Variants in MALRD1 observed in about 807,000 individuals in gnomAD.
MALRD1 encodes the protein MAM and LDL receptor class A domain containing 1.
Under a neutral mutation model 242.1 loss-of-function variants are expected in MALRD1, and 247 were observed. That is an observed-to-expected ratio of 1.02 (90% confidence interval 0.92 to 1.13). MALRD1 has a LOEUF of 1.13. Among genes scored for constraint, MALRD1 ranks in the 50% most tolerant of loss-of-function variants. The pLI is 0.00. For missense variants in MALRD1, 2,989 were observed against 2,533.1 expected, an observed-to-expected ratio of 1.18 and a Z score of -3.86; for synonymous variants, 995 against 866.6, an observed-to-expected ratio of 1.15 and a Z score of -2.60.
intron 31 of MALRD1, among the ~76,000 whole-genome samples, chr10:19,519,183 T>C (rs1449721177): frequency 6.8e-6 from 1 of 146,622 alleles, no homozygotes; most frequent in Non-Finnish European, 1.5e-5. Flanking sequence ...TTTCTTTCAT[T>C]GTCAAAATTT....
At chr10:19,365,643 CAT>C (rs1845074481) in intron 26 of MALRD1, among the ~76,000 whole-genome samples, 1 of 129,496 alleles carries the variant, frequency 7.7e-6, no homozygotes, top group Admixed American at 9.1e-5. Flanking sequence ...TGATAATTGA[CAT>C]GTTTTATAAA....
chr10:19,504,881 A>C (rs1251603727), intron 31 of MALRD1, among the ~76,000 whole-genome samples: 1 of 150,092 alleles, frequency 6.7e-6, no homozygotes, highest in Non-Finnish European at 1.5e-5. Context: ...ACGGGGTTTC[A>C]CCTTGTTAGC....
intron 36 of MALRD1, among the ~76,000 whole-genome samples, chr10:19,626,440 A>G (rs1839655107): frequency 6.6e-6 from 1 of 151,956 alleles, no homozygotes; most frequent in African/African-American, 2.4e-5. Flanking sequence ...TTTTGCAGAT[A>G]TTGACAGCCT....
At chr10:19,482,359 T>G (rs1341999669) in intron 29 of MALRD1, among the ~76,000 whole-genome samples, 1 of 151,878 alleles carries the variant, frequency 6.6e-6, no homozygotes, top group Non-Finnish European at 1.5e-5. Context: ...ATTCATGTAT[T>G]AAAAAGCTAA....
chr10:19,649,964 A>G (rs1301518160), intron 36 of MALRD1, among the ~76,000 whole-genome samples: 1 of 152,204 alleles, frequency 6.6e-6, no homozygotes, highest in Non-Finnish European at 1.5e-5. Context: ...TTATCCCAGC[A>G]TCATTTATTG....
intron 19 of MALRD1, among the ~76,000 whole-genome samples, chr10:19,262,185 G>A (rs74341687): frequency 0.072 from 10,888 of 151,588 alleles, 447 homozygotes; most frequent in East Asian, 0.17. Flanking sequence ...TTATAATATT[G>A]TTAATTTATT....
chr10:19,498,428 T>C lies in MALRD1; in HGVS notation c.5159-57T>C, dbSNP rs900043352. ...ATTTTAAATGATCCCAAATATAGGG[T>C]AGTAGCAAATGTGATAGACATTTCC... On this transcript the variant is annotated intron_variant, in intron 30 of 39. Transcript: ENST00000454679. 10 of 1,433,486 alleles carry C rather than the reference T, an allele frequency of 7.0e-6. No individual in the cohort carries two copies. In the African/African-American group the frequency reaches 1.4e-4, roughly 21 times the overall value. The allele number at this position is 1,433,486 out of a possible 1,614,324, so 88.8% of individuals were successfully genotyped here.
intron 32 of MALRD1, among the ~76,000 whole-genome samples, chr10:19,552,033 A>T (rs1835494530): frequency 6.6e-6 from 1 of 152,030 alleles, no homozygotes; most frequent in Non-Finnish European, 1.5e-5. Flanking sequence ...TTCATCAAAG[A>T]TATTGGCCTG....
chr10:19,174,592 G>A (rs2131539947), intron 13 of MALRD1, among the ~76,000 whole-genome samples: 1 of 151,764 alleles, frequency 6.6e-6, no homozygotes, highest in South Asian at 2.1e-4. Context: ...AACATAATAT[G>A]AGTAATTAAC....
chr10:19,134,780 TAAAAC>T (rs1255169761), intron 9 of MALRD1, among the ~76,000 whole-genome samples: 3 of 152,298 alleles, frequency 2.0e-5, no homozygotes, highest in East Asian at 1.9e-4. Context: ...AACTCAAAGA[TAAAAC>T]AAAGTAAAAT....
At chr10:19,517,039 G>A (rs1833668004) in intron 31 of MALRD1, among the ~76,000 whole-genome samples, 2 of 152,118 alleles carry the variant, frequency 1.3e-5, no homozygotes, top group Non-Finnish European at 2.9e-5. Context: ...TGAGACGAGG[G>A]GTTTTAGTTG....
At chr10:19,114,641 A>T (rs1200376409) in intron 5 of MALRD1, among the ~76,000 whole-genome samples, 1 of 152,046 alleles carries the variant, frequency 6.6e-6, no homozygotes, top group African/African-American at 2.4e-5. Context: ...TGATATTTAG[A>T]TTTCCTAAAA....
chr10:19,561,415 GA>G (rs1483682322), intron 32 of MALRD1, among the ~76,000 whole-genome samples: 1 of 152,170 alleles, frequency 6.6e-6, no homozygotes, highest in African/African-American at 2.4e-5. Flanking sequence ...ACTGAGAGAG[GA>G]ATCTTGGCAT....
intron 24 of MALRD1, among the ~76,000 whole-genome samples, chr10:19,344,631 T>C (rs1049623473): frequency 5.3e-5 from 8 of 151,400 alleles, no homozygotes; most frequent in African/African-American, 1.7e-4. Context: ...GTTATTCTAG[T>C]CCCTTTGACG....
chr10:19,370,405 GC>G lies in MALRD1; in HGVS notation c.4442-17122del, dbSNP rs552284812. On this transcript the variant is annotated intron_variant, in intron 26 of 39. Transcript: ENST00000454679. ...GTATTCTTTCATTTGTCTCAGTGCTGCTTTTTAGTTTGATTGTATAGATCTT... is the reference window on the plus strand; with the variant it reads ...GTATTCTTTCATTTGTCTCAGTGCTGTTTTTAGTTTGATTGTATAGATCTT... Among the ~76,000 whole-genome samples, 706 of 151,988 alleles carry G rather than the reference GC, an allele frequency of 4.6e-3. 8 individuals are homozygous for G. Among genetic ancestry groups the G allele is most frequent in the African/African-American group, 0.016 (658 of 41,472 alleles).
chr10:19,157,526 C>A (rs1012194105), intron 12 of MALRD1, among the ~76,000 whole-genome samples: 1 of 152,032 alleles, frequency 6.6e-6, no homozygotes, highest in South Asian at 2.1e-4. Flanking sequence ...GGATTACAGG[C>A]GTGAGCCACC....
At chr10:19,575,150 TATGG>T (rs1177163622) in intron 33 of MALRD1, among the ~76,000 whole-genome samples, 1 of 152,200 alleles carries the variant, frequency 6.6e-6, no homozygotes, top group Non-Finnish European at 1.5e-5. Context: ...TTCACTTATT[TATGG>T]ATTTTCTTCA....
chr10:19,125,538 T>C (rs1257065693), intron 7 of MALRD1, among the ~76,000 whole-genome samples: 1 of 151,374 alleles, frequency 6.6e-6, no homozygotes, highest in South Asian at 2.1e-4. Flanking sequence ...TGCTTTTTTT[T>C]CTTTCTTCCT....
intron 20 of MALRD1, among the ~76,000 whole-genome samples, chr10:19,282,136 C>G (rs1009439884): frequency 2.0e-5 from 3 of 151,980 alleles, no homozygotes; most frequent in African/African-American, 7.3e-5. Flanking sequence ...TATTAAAAGC[C>G]TACAAATTAT....
Sources: gnomAD v4.1 joint callset for allele counts (sites outside exome capture counted in the v4.1 genomes callset) on GRCh38, gnomAD v4.1.1 for gene constraint, MANE v1.5 for transcripts, NCBI Gene and HGNC (gene_info 2026-07-23, HGNC 2026-07-21) for gene names.